MRC2: variants seen among roughly 807,000 people sequenced by gnomAD.
The protein encoded by MRC2 is C-type mannose receptor 2.
A neutral mutation model predicts 206.2 loss-of-function variants in MRC2; 84 were observed. That is an observed-to-expected ratio of 0.41 (90% confidence interval 0.34 to 0.49). The LOEUF (loss-of-function observed/expected upper bound fraction) is 0.49, where lower values mean the gene tolerates loss of function less well. MRC2 is among the 20% of genes least tolerant of loss of function. The probability of loss-of-function intolerance (pLI) is 0.31; values close to 1 mark genes in which losing one functional copy is unlikely to be tolerated. For missense variants in MRC2, 1,676 were observed against 2,001.5 expected (o/e 0.84, Z 3.10); for synonymous variants, 798 against 800.0 (o/e 1.00, Z 0.04).
Position 62,692,232 on chromosome 17 carries a change from G to A in MRC2, c.4221G>A (p.Ala1407=), listed in dbSNP as rs770874877. ...RAEQSSFSPS[A]LPENPAALVV... is the part of the protein sequence containing the mutation. Reference sequence around the variant, plus strand: ...TTTCACGCCCACTCGCCTTGGCAGCGCTTCCAGAGAACCCAGCGGCCCTGG... The same window carrying A: ...TTTCACGCCCACTCGCCTTGGCAGCACTTCCAGAGAACCCAGCGGCCCTGG... Residue 1407 remains alanine (A), a splice_region_variant and synonymous_variant, in exon 30 of 30, where the codon GCG becomes GCA. Transcript: ENST00000303375. This position sits in a 1 kb window ranked among gnomAD's most constrained non-coding sequence, Gnocchi z 4.2. 4 of 1,611,502 alleles carry A rather than the reference G, an allele frequency of 2.5e-6. No homozygotes were observed. Among genetic ancestry groups the A allele is most frequent in the South Asian group, 1.1e-5 (1 of 90,804 alleles).
chr17:62,656,425 C>G (rs1256555649), intron 1 of MRC2, among the ~76,000 whole-genome samples: 1 of 152,222 alleles, frequency 6.6e-6, no homozygotes, highest in Non-Finnish European at 1.5e-5. Context: ...CTCCTGGGCT[C>G]AAACGATCTT....
chr17:62,677,112 T>G (rs1370709771), intron 11 of MRC2, among the ~76,000 whole-genome samples, 157 bp from the exon 12 acceptor site: 4 of 152,160 alleles, frequency 2.6e-5, no homozygotes, highest in Non-Finnish European at 4.4e-5. Context: ...TCCATTCCCT[T>G]CCTCCCTCCT....
intron 1 of MRC2, among the ~76,000 whole-genome samples, chr17:62,661,241 C>T (rs991629332): frequency 6.6e-6 from 1 of 152,174 alleles, no homozygotes; most frequent in Non-Finnish European, 1.5e-5. Flanking sequence ...GGCTGAATCT[C>T]ATTTGAAGAA....
intron 1 of MRC2, among the ~76,000 whole-genome samples, chr17:62,649,725 G>A (rs1362872042): frequency 6.6e-6 from 1 of 152,008 alleles, no homozygotes; most frequent in Non-Finnish European, 1.5e-5. Flanking sequence ...CAGTCATATT[G>A]TGCTGTGCTT....
At chr17:62,678,949 C>G (rs568552539) in intron 13 of MRC2, among the ~76,000 whole-genome samples, 5 of 152,160 alleles carry the variant, frequency 3.3e-5, no homozygotes, top group Non-Finnish European at 7.3e-5. Context: ...ATGTACCCCC[C>G]ACCCCATTGC....
At chr17:62,674,431 C>T (rs566419892) in intron 9 of MRC2, among the ~76,000 whole-genome samples, 3 of 152,072 alleles carry the variant, frequency 2.0e-5, no homozygotes, top group East Asian at 2.0e-4. Flanking sequence ...GCCACTTCCT[C>T]GAGACAGCAG....
At chr17:62,641,281 A>C (rs1308691770) in intron 1 of MRC2, among the ~76,000 whole-genome samples, 1 of 147,440 alleles carries the variant, frequency 6.8e-6, no homozygotes. Context: ...GCGCCATTGC[A>C]CTCCAGCCTG....
chr17:62,666,360 C>A lies in MRC2; in HGVS notation c.694+93C>A. 1 of 1,587,918 alleles carries A rather than the reference C, an allele frequency of 6.3e-7. No homozygotes were observed. Among genetic ancestry groups the A allele is most frequent in the Non-Finnish European group, 8.6e-7 (1 of 1,169,362 alleles). On this transcript the variant is annotated intron_variant, in intron 3 of 29. Coordinates refer to ENST00000303375, the MANE Select transcript of MRC2 (RefSeq NM_006039.5). The surrounding 1 kb of genome is among the most constrained non-coding windows in gnomAD (Gnocchi z 5.0). The stretch of plus-strand genomic sequence containing the variant: ...CGGGGCCCAGGGTGAGATACTGCCC[C>A]CTCCCCTACCTAGTGTAGCCTTTTG...
chr17:62,635,888 C>T (rs183161548), intron 1 of MRC2, among the ~76,000 whole-genome samples: 33 of 151,908 alleles, frequency 2.2e-4, no homozygotes, highest in South Asian at 4.2e-4. Flanking sequence ...CCCCGGTTCA[C>T]GCAATTCTCC....
At chr17:62,651,361 C>G (rs1305922484) in intron 1 of MRC2, among the ~76,000 whole-genome samples, 1 of 152,104 alleles carries the variant, frequency 6.6e-6, no homozygotes, top group Non-Finnish European at 1.5e-5. Flanking sequence ...GGATTACAGG[C>G]GTGAGCCACT....
At chr17:62,668,849 C>T (rs1419463623) in intron 6 of MRC2, among the ~76,000 whole-genome samples, 2 of 152,142 alleles carry the variant, frequency 1.3e-5, no homozygotes, top group Non-Finnish European at 2.9e-5. Flanking sequence ...CCCCTTACTG[C>T]TGTGTGGCCC....
At chr17:62,644,452 C>T (rs1179086979) in intron 1 of MRC2, among the ~76,000 whole-genome samples, 3 of 151,806 alleles carry the variant, frequency 2.0e-5, no homozygotes, top group Admixed American at 6.6e-5. Flanking sequence ...AGGCGGGATG[C>T]CGTGGCTCAC....
chr17:62,631,540 T>G (rs1216806831), intron 1 of MRC2, among the ~76,000 whole-genome samples: 4 of 152,020 alleles, frequency 2.6e-5, no homozygotes, highest in Non-Finnish European at 5.9e-5. Flanking sequence ...GCCTGGGAAA[T>G]TCTGCCTTAT....
At chr17:62,640,835 C>G (rs1367920963) in intron 1 of MRC2, among the ~76,000 whole-genome samples, 1 of 151,928 alleles carries the variant, frequency 6.6e-6, no homozygotes, top group East Asian at 1.9e-4. Context: ...CAGGTGCCCG[C>G]CACCATGCCC....
At chr17:62,642,892 AATGG>A (rs1453069837) in intron 1 of MRC2, among the ~76,000 whole-genome samples, 1 of 152,206 alleles carries the variant, frequency 6.6e-6, no homozygotes, top group Non-Finnish European at 1.5e-5. Flanking sequence ...TCAGCGATAG[AATGG>A]ATGAATTGTG....
At position 62,632,492 on chromosome 17, in the gene MRC2, G is replaced by A. The variant is rs74386503; in HGVS notation, c.118+4572G>A. ...CGCAGCTCTGGTTTTTGTTGTAGAA[G>A]AAGGACCAACTTCTTCCTAGTTTCC... On this transcript the variant is annotated intron_variant, in intron 1 of 29. Transcript: ENST00000303375. Among the ~76,000 whole-genome samples, 787 of 152,266 alleles carry A rather than the reference G, an allele frequency of 5.2e-3. 10 individuals are homozygous for A. The highest frequency in any genetic ancestry group is 0.018 in the African/African-American group (746 of 41,548).
Position 62,652,661 on chromosome 17 carries a change from G to T in MRC2, c.119-11887G>T, listed in dbSNP as rs1413842634. 2.0e-5 allele frequency among the ~76,000 whole-genome samples: 3 copies of T among 152,144 alleles called. No individual in the cohort carries two copies. The highest frequency in any genetic ancestry group is 4.4e-5 in the Non-Finnish European group (3 of 68,032). On this transcript the variant is annotated intron_variant, in intron 1 of 29. Transcript: ENST00000303375. This position sits in a 1 kb window ranked among gnomAD's most constrained non-coding sequence, Gnocchi z 4.6. ...GACCGGGCATTTGTCTAGCTGGGCGGGAGGCGGCGGAGCGGGAAGTGCCAC... is the reference window on the plus strand; with the variant it reads ...GACCGGGCATTTGTCTAGCTGGGCGTGAGGCGGCGGAGCGGGAAGTGCCAC...
chr17:62,650,703 A>C (rs2088545797), intron 1 of MRC2, among the ~76,000 whole-genome samples: 1 of 152,204 alleles, frequency 6.6e-6, no homozygotes, highest in African/African-American at 2.4e-5. Flanking sequence ...CTTGGAACCC[A>C]CTGTCTGGTG....
intron 11 of MRC2, among the ~76,000 whole-genome samples, chr17:62,676,805 T>C (rs1047747153): frequency 5.3e-5 from 8 of 152,234 alleles, no homozygotes; most frequent in African/African-American, 2.4e-5. Flanking sequence ...CTTAAATATG[T>C]GTAAAGTGCT....
Sources: gnomAD v4.1 joint callset for allele counts (sites outside exome capture counted in the v4.1 genomes callset) on GRCh38, gnomAD v4.1.1 for gene constraint, Gnocchi (gnomAD v3.1) non-coding constraint, MANE v1.5 for transcripts, NCBI Gene and HGNC (gene_info 2026-07-23, HGNC 2026-07-21) for gene names.